The following ATP8B1 variants were observed in gnomAD, a reference collection of about 807,000 sequenced individuals.
ATP8B1 encodes the protein ATPase phospholipid transporting 8B1, also known as phospholipid-transporting ATPase IC.
Under a neutral mutation model 149.9 loss-of-function variants are expected in ATP8B1, and 80 were observed. That is an observed-to-expected ratio of 0.53 (90% CI 0.45 to 0.64). The LOEUF is 0.64. ATP8B1 is among the 30% of genes least tolerant of loss of function. The probability of loss-of-function intolerance (pLI) is 0.00; values close to 1 mark genes in which losing one functional copy is unlikely to be tolerated. For synonymous variants in ATP8B1, 536 were observed against 562.8 expected (o/e 0.95, Z 0.67); for missense variants, 1,247 against 1,552.6 (o/e 0.80, Z 3.31).
At chr18:57,649,227 CAT>C (rs1030664708) in intron 27 of ATP8B1, among the ~76,000 whole-genome samples, 107 of 37,800 alleles carry the variant, frequency 2.8e-3, no homozygotes, top group Non-Finnish European at 6.1e-3. Context: ...TCTATATCGA[CAT>C]ATATATATGA....
At chr18:57,670,034 CTT>C (rs1911131413) in intron 17 of ATP8B1, among the ~76,000 whole-genome samples, 1 of 152,166 alleles carries the variant, frequency 6.6e-6, no homozygotes, top group Non-Finnish European at 1.5e-5. Context: ...GCTTACCTTT[CTT>C]CTAAATCTTC....
At chr18:57,731,948 T>C in intron 1 of ATP8B1, 116 bp from the exon 2 acceptor site, 1 of 998,890 alleles carries the variant, frequency 1.0e-6, no homozygotes, top group Non-Finnish European at 1.6e-6. Context: ...CATGTAAATA[T>C]TCTGGAATAG....
At chr18:57,671,739 C>T (rs1214035153) in intron 16 of ATP8B1, among the ~76,000 whole-genome samples, 159 bp from the exon 17 acceptor site, 5 of 152,292 alleles carry the variant, frequency 3.3e-5, no homozygotes, top group African/African-American at 1.2e-4. Flanking sequence ...CCTCCCATCT[C>T]AGCCTCCCGA....
intron 12 of ATP8B1, among the ~76,000 whole-genome samples, chr18:57,691,475 C>T (rs948533637): frequency 1.3e-5 from 2 of 152,136 alleles, no homozygotes; most frequent in Non-Finnish European, 2.9e-5. Flanking sequence ...TAAATCTTCC[C>T]CTCCTCCCAG....
chr18:57,746,418 G>C (rs1385621232), intron 1 of ATP8B1, among the ~76,000 whole-genome samples: 1 of 151,860 alleles, frequency 6.6e-6, no homozygotes. Context: ...CTGTTCAAAG[G>C]GGGAGAAAAG....
At chr18:57,704,055 C>T (rs1913263996) in intron 4 of ATP8B1, among the ~76,000 whole-genome samples, 1 of 150,232 alleles carries the variant, frequency 6.7e-6, no homozygotes, top group African/African-American at 2.5e-5. Context: ...CAACCTCCGC[C>T]TCCTGGGTTC....
intron 1 of ATP8B1, among the ~76,000 whole-genome samples, chr18:57,768,936 G>C (rs2080242467): frequency 6.6e-6 from 1 of 152,174 alleles, no homozygotes. Context: ...TGTTTTCCCA[G>C]CTGCTCCACA....
intron 22 of ATP8B1, among the ~76,000 whole-genome samples, chr18:57,656,490 A>G (rs1910005650): frequency 6.7e-6 from 1 of 150,370 alleles, no homozygotes; most frequent in Non-Finnish European, 1.5e-5. Context: ...GGTTCAAGCG[A>G]TACTCTTGCC....
chr18:57,675,992 C>A (rs1373463416), intron 15 of ATP8B1, among the ~76,000 whole-genome samples: 1 of 152,150 alleles, frequency 6.6e-6, no homozygotes, highest in Non-Finnish European at 1.5e-5. Context: ...AGGCATGAGC[C>A]ACTGCCCCTG....
chr18:57,714,979 C>T (rs2079570704), intron 2 of ATP8B1, among the ~76,000 whole-genome samples: 2 of 152,156 alleles, frequency 1.3e-5, no homozygotes, highest in African/African-American at 4.8e-5. Flanking sequence ...CCTGCAGAAA[C>T]AAAACTATAT....
At chr18:57,695,101 C>T (rs1226774992) in intron 10 of ATP8B1, 70 bp downstream of exon 10, 2 of 1,324,464 alleles carry the variant, frequency 1.5e-6, no homozygotes, top group African/African-American at 1.5e-5. Context: ...GGACAAAGGA[C>T]AGAAAAGCAA....
In ATP8B1 at chr18:57,674,909, G is replaced by T; in HGVS notation, c.1744C>A (p.Leu582Met). 5.0e-6 allele frequency: 8 copies of T among 1,614,264 alleles called. No individual in the cohort carries two copies. Among genetic ancestry groups the T allele is most frequent in the Non-Finnish European group, 6.8e-6 (8 of 1,180,046 alleles). Residue 582 changes from leucine (L) to methionine (M), a missense_variant, in exon 16 of 28, where the codon CTG (leucine) becomes ATG (methionine). This residue lies in a region of ATP8B1 where 853 missense variants were observed against 1,035.7 expected (regional missense o/e 0.82). Transcript: ENST00000648908. ...ACATTGTAAGTCCTTTCAGTGCCCA[G>T]TTCACTGATGGTGATGGTGTTCTGG... is the stretch of plus-strand genomic sequence containing the variant. ...RTQNTITISE[L>M]GTERTYNVLA...
intron 2 of ATP8B1, among the ~76,000 whole-genome samples, chr18:57,715,422 G>C (rs907513415): frequency 6.6e-6 from 1 of 152,010 alleles, no homozygotes; most frequent in Non-Finnish European, 1.5e-5. Context: ...TTAAAGTGGA[G>C]GTAGAGAAAG....
At chr18:57,681,933 A>G (rs938042017) in intron 15 of ATP8B1, among the ~76,000 whole-genome samples, 7 of 151,982 alleles carry the variant, frequency 4.6e-5, no homozygotes, top group African/African-American at 1.2e-4. Flanking sequence ...ACATGTCTCT[A>G]TTCGTACAAC....
chr18:57,691,956 G>A lies in ATP8B1; in HGVS notation c.1071C>T (p.Ile357=), dbSNP rs775490128. Residue 357 remains isoleucine, a synonymous_variant, in exon 12 of 28, where the codon ATC becomes ATT. Coordinates refer to ENST00000648908, the MANE Select transcript of ATP8B1 (RefSeq NM_001374385.1). ...CCTGTGCTTCCCAATAAGCATGGCC[G>A]ATGGCAAGACCAGCAGAAAGCAGAA... ...VLILLSAGLA[I]GHAYWEAQVG... is the part of the protein sequence containing the mutation. 1.2e-5 allele frequency: 20 copies of A among 1,613,866 alleles called. No individual in the cohort carries two copies. Among genetic ancestry groups the A allele is most frequent in the African/African-American group, 1.1e-4 (8 of 74,886 alleles).
chr18:57,699,261 T>C (rs1477612455), intron 6 of ATP8B1, among the ~76,000 whole-genome samples: 1 of 152,238 alleles, frequency 6.6e-6, no homozygotes, highest in Non-Finnish European at 1.5e-5. Flanking sequence ...AGATGGCTTT[T>C]TTTCCTTTGC....
rs967570416 is a variant in ATP8B1, at chr18:57,659,271, G to GT, written c.2707+1902dup. 1.9e-3 allele frequency among the ~76,000 whole-genome samples: 290 copies of GT among 149,352 alleles called. 2 individuals are homozygous for GT. The highest frequency in any genetic ancestry group is 6.3e-3 in the African/African-American group (256 of 40,796). ...AGCCTGGGCCACAGAGGGAGACCTT[G>GT]TTTTTTTTTTAAATGCACCTGGCAT... On this transcript the variant is annotated intron_variant, in intron 22 of 27. Coordinates refer to ENST00000648908, the MANE Select transcript of ATP8B1 (RefSeq NM_001374385.1).
rs1427271216 is a variant in ATP8B1 at position 57,670,178 on chromosome 18, T to A, written c.1933-696A>T. Among the ~76,000 whole-genome samples, 4 of 152,134 alleles carry A rather than the reference T, an allele frequency of 2.6e-5. No individual in the cohort carries two copies. In the East Asian group the frequency reaches 7.7e-4, roughly 29 times the overall value. On this transcript the variant is annotated intron_variant, in intron 17 of 27. Transcript: ENST00000648908. ...AACTTTATAACTTGTTCCAACAAAC[T>A]GTGATACAAGTCCAATCACCTATGA...
chr18:57,683,391 T>C (rs564132169), intron 15 of ATP8B1, among the ~76,000 whole-genome samples: 1 of 152,334 alleles, frequency 6.6e-6, no homozygotes, highest in African/African-American at 2.4e-5. Context: ...CCATTTGTGA[T>C]AAAATGACTA....
Sources: gnomAD v4.1 joint callset for allele counts (sites outside exome capture counted in the v4.1 genomes callset) on GRCh38, gnomAD v4.1.1 for gene constraint, gnomAD v4.1.1 regional missense constraint, MANE v1.5 for transcripts, NCBI Gene and HGNC (gene_info 2026-07-23, HGNC 2026-07-21) for gene names.